SPATA17: variants seen among roughly 807,000 people sequenced by gnomAD.
SPATA17 encodes spermatogenesis associated 17.
A neutral mutation model predicts 62.2 loss-of-function variants in SPATA17; 53 were observed. The ratio of observed to expected loss-of-function variants is 0.85; its 90% CI spans 0.68 to 1.07. The LOEUF is 1.07. SPATA17 is among the 50% of genes least tolerant of loss of function. The probability of loss-of-function intolerance (pLI) is 0.00; values close to 1 mark genes in which losing one functional copy is unlikely to be tolerated. For missense variants in SPATA17, 466 were observed against 425.5 expected, an observed-to-expected ratio of 1.10 and a Z score of -0.84; for synonymous variants, 146 against 146.8, an observed-to-expected ratio of 0.99 and a Z score of 0.04.
intron 4 of SPATA17, among the ~76,000 whole-genome samples, chr1:217,675,412 ATTG>A (rs1158738984): frequency 1.3e-5 from 2 of 152,104 alleles, no homozygotes; most frequent in Non-Finnish European, 2.9e-5. Flanking sequence ...CCCATTTCAT[ATTG>A]TTGTCTGTGT....
intron 5 of SPATA17, among the ~76,000 whole-genome samples, chr1:217,713,254 G>GT (rs200108993): frequency 8.7e-5 from 13 of 149,534 alleles, no homozygotes; most frequent in Admixed American, 3.3e-4. Flanking sequence ...CCTTCAGGAT[G>GT]TTTTTTTTTT....
At chr1:217,856,488 A>AC (rs1169535628) in intron 9 of SPATA17, among the ~76,000 whole-genome samples, 4 of 152,228 alleles carry the variant, frequency 2.6e-5, no homozygotes, top group African/African-American at 9.6e-5. Context: ...GAAAGTTTTC[A>AC]CATGACCCCT....
intron 3 of SPATA17, among the ~76,000 whole-genome samples, chr1:217,660,343 G>A (rs1314756243): frequency 1.3e-5 from 2 of 152,170 alleles, no homozygotes; most frequent in African/African-American, 2.4e-5. Context: ...CTGAGTAGCA[G>A]TGATGAGTCT....
At chr1:217,739,968 C>T (rs902832131) in intron 5 of SPATA17, among the ~76,000 whole-genome samples, 1 of 151,920 alleles carries the variant, frequency 6.6e-6, no homozygotes, top group African/African-American at 2.4e-5. Context: ...AAGTAACTTT[C>T]TTTTCCATTA....
At chr1:217,841,889 T>C (rs1290855511) in intron 9 of SPATA17, among the ~76,000 whole-genome samples, 1 of 151,248 alleles carries the variant, frequency 6.6e-6, no homozygotes, top group Non-Finnish European at 1.5e-5. Context: ...AATATGTATA[T>C]TATAAACTCA....
Position 217,636,028 on chromosome 1 carries a change from G to A in SPATA17, c.68+4582G>A, listed in dbSNP as rs181088381. ...GGCGCCTTTAATCCCAGCTAATCGG[G>A]AGGCTGAGGCAGGAGAATCACTTGA... On this transcript the variant is annotated intron_variant, in intron 1 of 10. Transcript: ENST00000366933. 4.0e-5 allele frequency among the ~76,000 whole-genome samples: 6 copies of A among 151,158 alleles called. No homozygotes were observed. In the East Asian group the frequency reaches 1.2e-3, roughly 30 times the overall value.
At chr1:217,785,698 A>G (rs761127688) in intron 8 of SPATA17, among the ~76,000 whole-genome samples, 27 of 152,214 alleles carry the variant, frequency 1.8e-4, no homozygotes, top group Admixed American at 7.9e-4. Flanking sequence ...GGAATTCAGC[A>G]TATAAATTTT....
intron 8 of SPATA17, among the ~76,000 whole-genome samples, chr1:217,784,127 T>G (rs1403070819): frequency 6.6e-6 from 1 of 152,142 alleles, no homozygotes; most frequent in Non-Finnish European, 1.5e-5. Flanking sequence ...TTTTGCTTTT[T>G]GTATACTGGT....
chr1:217,707,373 A>T (rs1053907969), intron 5 of SPATA17, among the ~76,000 whole-genome samples: 38 of 152,164 alleles, frequency 2.5e-4, no homozygotes, highest in African/African-American at 8.9e-4. Flanking sequence ...ATCTGCAATC[A>T]GGGATAGTTT....
intron 8 of SPATA17, among the ~76,000 whole-genome samples, chr1:217,794,184 G>A (rs1474690508): frequency 1.3e-5 from 2 of 151,616 alleles, no homozygotes; most frequent in African/African-American, 4.8e-5. Context: ...TTTGGCTATT[G>A]GGGAGTCATT....
At chr1:217,632,275 T>C (rs1669814072) in intron 1 of SPATA17, among the ~76,000 whole-genome samples, 1 of 152,138 alleles carries the variant, frequency 6.6e-6, no homozygotes, top group Non-Finnish European at 1.5e-5. Flanking sequence ...TATTAATTAA[T>C]AGATAACGGG....
chr1:217,638,875 T>C (rs906815011), intron 1 of SPATA17, among the ~76,000 whole-genome samples: 2 of 152,068 alleles, frequency 1.3e-5, no homozygotes, highest in Admixed American at 6.6e-5. Context: ...TACTGAAATA[T>C]AAATATGTTA....
At chr1:217,653,072 A>T (rs1670362088) in intron 3 of SPATA17, among the ~76,000 whole-genome samples, 1 of 152,218 alleles carries the variant, frequency 6.6e-6, no homozygotes, top group Non-Finnish European at 1.5e-5. Context: ...AGTGATTTTC[A>T]GATCAGATTA....
chr1:217,728,041 G>A (rs1413461260), intron 5 of SPATA17, among the ~76,000 whole-genome samples: 4 of 152,116 alleles, frequency 2.6e-5, no homozygotes, highest in Non-Finnish European at 5.9e-5. Flanking sequence ...AAGTACCTGT[G>A]TTGGAAGGCT....
intron 7 of SPATA17, among the ~76,000 whole-genome samples, chr1:217,775,205 G>A (rs1673557204): frequency 1.3e-5 from 2 of 152,032 alleles, no homozygotes; most frequent in South Asian, 4.1e-4. Context: ...ATCTTTTTAT[G>A]TGCCTATTGG....
intron 6 of SPATA17, among the ~76,000 whole-genome samples, chr1:217,774,049 G>A (rs1442712487): frequency 6.6e-6 from 1 of 152,120 alleles, no homozygotes; most frequent in African/African-American, 2.4e-5. Flanking sequence ...CTTAAGTATA[G>A]TGATGTAAAA....
chr1:217,796,441 G>A (rs1213454664), intron 8 of SPATA17, among the ~76,000 whole-genome samples: 1 of 152,026 alleles, frequency 6.6e-6, no homozygotes, highest in Non-Finnish European at 1.5e-5. Flanking sequence ...GTAAGGAAAA[G>A]GGAAAAATAT....
intron 9 of SPATA17, among the ~76,000 whole-genome samples, chr1:217,819,077 C>T (rs779964059): frequency 6.6e-6 from 1 of 151,478 alleles, no homozygotes; most frequent in Non-Finnish European, 1.5e-5. Flanking sequence ...TTTATATAAA[C>T]TATTTCTTAA....
chr1:217,705,049 G>A (rs536238255), intron 5 of SPATA17, among the ~76,000 whole-genome samples: 51 of 152,062 alleles, frequency 3.4e-4, no homozygotes, highest in African/African-American at 1.2e-3. Context: ...CTTTTTTTGC[G>A]ACCTTGCCAA....
Sources: gnomAD v4.1 joint callset for allele counts (sites outside exome capture counted in the v4.1 genomes callset) on GRCh38, gnomAD v4.1.1 for gene constraint, MANE v1.5 for transcripts, NCBI Gene and HGNC (gene_info 2026-07-23, HGNC 2026-07-21) for gene names.